Variants in CSMD2 observed in about 807,000 individuals in gnomAD.
CSMD2 encodes CUB and sushi domain-containing protein 2.
A neutral mutation model predicts 398.5 loss-of-function variants in CSMD2; 130 were observed. That is an observed-to-expected ratio of 0.33 (90% CI 0.28 to 0.38). The LOEUF is 0.38. Among genes scored for constraint, CSMD2 ranks in the 10% least tolerant of loss-of-function variants. The pLI is 1.00. For synonymous variants in CSMD2, 1,828 were observed against 1,908.5 expected (o/e 0.96, Z 1.10); for missense variants, 3,829 against 4,764.9 (o/e 0.80, Z 5.78).
chr1:33,921,102 T>A (rs1374806599), intron 4 of CSMD2, among the ~76,000 whole-genome samples: 1 of 151,994 alleles, frequency 6.6e-6, no homozygotes, highest in African/African-American at 2.4e-5. Flanking sequence ...ACTGCGAAGG[T>A]CCTTGAATGC....
intron 3 of CSMD2, among the ~76,000 whole-genome samples, chr1:33,990,932 T>C (rs564319381): frequency 6.6e-6 from 1 of 152,184 alleles, no homozygotes; most frequent in East Asian, 1.9e-4. Context: ...ATACTTATAA[T>C]AGAATATCGT....
In CSMD2 at chr1:33,725,441, G is replaced by A; in HGVS notation, c.2603C>T (p.Pro868Leu). ...GTTGCTGGTGCTGATGAGGAACTGG[G>A]GAACCTGGGTCCCGTGGTAAACCCC... ...LIGVYHGTQV[P>L]QFLISTSNYL... Residue 868 changes from proline (P) to leucine (L), a missense_variant, in exon 17 of 71, where the codon CCC becomes CTC. Coordinates refer to ENST00000373381, the MANE Select transcript of CSMD2 (RefSeq NM_001281956.2). The A allele has an allele frequency of 1.2e-6, 2 of 1,614,166 alleles. No individual in the cohort carries two copies. The highest frequency in any genetic ancestry group is 1.7e-6 in the Non-Finnish European group (2 of 1,179,998).
intron 2 of CSMD2, among the ~76,000 whole-genome samples, chr1:34,056,105 C>T (rs1379505772): frequency 6.6e-6 from 1 of 152,210 alleles, no homozygotes; most frequent in Non-Finnish European, 1.5e-5. Context: ...GTGGTACACT[C>T]GCTTCAGCTC....
intron 6 of CSMD2, among the ~76,000 whole-genome samples, chr1:33,832,690 CA>C (rs1270206728): frequency 6.6e-6 from 1 of 150,678 alleles, no homozygotes; most frequent in African/African-American, 2.4e-5. Context: ...AAAAACCCTT[CA>C]AAAAATTAAT....
chr1:33,818,530 G>A lies in CSMD2; in HGVS notation c.1324+1183C>T, dbSNP rs184618148. Among the ~76,000 whole-genome samples, 230 of 152,324 alleles carry A rather than the reference G, an allele frequency of 1.5e-3. 1 individual carries two copies. The highest frequency in any genetic ancestry group is 5.5e-3 in the African/African-American group (227 of 41,552). On this transcript the variant is annotated intron_variant, in intron 9 of 70. Coordinates refer to ENST00000373381, the MANE Select transcript of CSMD2 (RefSeq NM_001281956.2). Reference sequence around the variant, plus strand: ...TTAGCAACATTTGGAGGTAAGAAAGGCTTAGGGAAAATGGGTGATTTGCCC... The same window carrying A: ...TTAGCAACATTTGGAGGTAAGAAAGACTTAGGGAAAATGGGTGATTTGCCC...
chr1:34,002,310 T>G (rs1021243671), intron 3 of CSMD2, among the ~76,000 whole-genome samples: 1 of 152,230 alleles, frequency 6.6e-6, no homozygotes, highest in African/African-American at 2.4e-5. Flanking sequence ...ACATGGGTCA[T>G]TTTAAAAAAT....
At chr1:34,104,982 C>T (rs909504811) in intron 1 of CSMD2, among the ~76,000 whole-genome samples, 2 of 152,308 alleles carry the variant, frequency 1.3e-5, no homozygotes, top group Admixed American at 6.5e-5. Context: ...ATCTAACTCA[C>T]GGTCCCAGGC....
chr1:33,986,063 T>C (rs1646349595), intron 3 of CSMD2, among the ~76,000 whole-genome samples: 1 of 152,146 alleles, frequency 6.6e-6, no homozygotes, highest in Admixed American at 6.5e-5. Context: ...TGGCACCTCA[T>C]TCACCTTGGC....
chr1:34,001,727 T>C lies in CSMD2; in HGVS notation c.517+30867A>G, dbSNP rs1570771422. ...GGTGAGTGTTAAATCCTATTAAATA[T>C]GGAACTAAGATTACACAACCCTGAG... On this transcript the variant is annotated intron_variant, in intron 3 of 70. Transcript: ENST00000373381. 2.6e-5 allele frequency among the ~76,000 whole-genome samples: 4 copies of C among 152,152 alleles called. No individual in the cohort carries two copies. The East Asian group carries it at 7.7e-4, about 29-fold the overall frequency.
At chr1:33,818,302 A>G (rs946171931) in intron 9 of CSMD2, among the ~76,000 whole-genome samples, 1 of 152,184 alleles carries the variant, frequency 6.6e-6, no homozygotes, top group Non-Finnish European at 1.5e-5. Flanking sequence ...CATCCATTCA[A>G]CACCTGTTAC....
intron 41 of CSMD2, 69 bp downstream of exon 41, chr1:33,610,972 G>T (rs773884164): frequency 7.4e-5 from 107 of 1,453,276 alleles, no homozygotes; most frequent in Non-Finnish European, 9.7e-5. Flanking sequence ...TGGAAGGCTG[G>T]GAAGGTGGGT....
At chr1:33,975,169 C>A (rs1645913483) in intron 3 of CSMD2, among the ~76,000 whole-genome samples, 1 of 152,132 alleles carries the variant, frequency 6.6e-6, no homozygotes, top group African/African-American at 2.4e-5. Flanking sequence ...AGGGTACATG[C>A]CCAGCACCAG....
intron 52 of CSMD2, among the ~76,000 whole-genome samples, chr1:33,568,375 A>G (rs1659269760): frequency 6.6e-6 from 1 of 152,006 alleles, no homozygotes; most frequent in South Asian, 2.1e-4. Context: ...TTTAGTAGAG[A>G]TGGATTTCAC....
chr1:34,126,837 C>T (rs553743405), intron 1 of CSMD2, among the ~76,000 whole-genome samples: 21 of 149,794 alleles, frequency 1.4e-4, no homozygotes, highest in South Asian at 2.1e-4. Flanking sequence ...GGGAGAGAGA[C>T]GGGCAGGGGA....
At chr1:33,933,599 G>C (rs1308689464) in intron 4 of CSMD2, among the ~76,000 whole-genome samples, 1 of 152,184 alleles carries the variant, frequency 6.6e-6, no homozygotes, top group East Asian at 1.9e-4. Context: ...AGATCAGAAT[G>C]TTAACGGTAA....
At chr1:34,076,156 G>A (rs1344504691) in intron 2 of CSMD2, among the ~76,000 whole-genome samples, 3 of 152,220 alleles carry the variant, frequency 2.0e-5, no homozygotes, top group Non-Finnish European at 1.5e-5. Flanking sequence ...TATAGAACAA[G>A]CTGTGCGCAG....
At chr1:33,628,283 G>T (rs1177647037) in intron 32 of CSMD2, among the ~76,000 whole-genome samples, 3 of 151,866 alleles carry the variant, frequency 2.0e-5, no homozygotes, top group Admixed American at 6.6e-5. Context: ...AATAACGAGA[G>T]AAATGACAAG....
chr1:34,008,979 C>T (rs772797086), intron 3 of CSMD2, among the ~76,000 whole-genome samples: 36 of 151,128 alleles, frequency 2.4e-4, no homozygotes, highest in South Asian at 4.2e-4. Context: ...GCTTTCTTTG[C>T]CTACCCCATC....
chr1:33,887,608 T>A (rs113893956), intron 5 of CSMD2, among the ~76,000 whole-genome samples: 1,584 of 152,298 alleles, frequency 0.01, 23 homozygotes, highest in African/African-American at 0.036. Context: ...TAATGTTATA[T>A]AATGGGAGAA....
Sources: gnomAD v4.1 joint callset for allele counts (sites outside exome capture counted in the v4.1 genomes callset) on GRCh38, gnomAD v4.1.1 for gene constraint, MANE v1.5 for transcripts, NCBI Gene and HGNC (gene_info 2026-07-23, HGNC 2026-07-21) for gene names.